Variants in RALYL observed in about 807,000 individuals in gnomAD.
RALYL encodes the protein RNA-binding Raly-like protein.
RALYL carries 29 observed loss-of-function variants against 35.1 expected under a neutral mutation model. The ratio of observed to expected loss-of-function variants is 0.83; its 90% CI spans 0.61 to 1.13. RALYL has a LOEUF of 1.13. Among genes scored for constraint, RALYL ranks in the 50% most tolerant of loss-of-function variants. RALYL has a pLI of 0.00. For synonymous variants in RALYL, 120 were observed against 127.6 expected (o/e 0.94, Z 0.40); for missense variants, 359 against 360.4 (o/e 1.00, Z 0.03).
In RALYL at chr8:84,349,864, G is replaced by A. The variant is rs1399817405; in HGVS notation, c.-24+165440G>A. Among the ~76,000 whole-genome samples the A allele has an allele frequency of 1.1e-4, 17 of 150,202 alleles. 1 individual carries two copies. ...ATCACCTTAATGAGGTTAGGCCTGA[G>A]CCAAGAACTTGACCTTGCATCATTT... On this transcript the variant is annotated intron_variant, in intron 1 of 8. Coordinates refer to ENST00000521268, the MANE Select transcript of RALYL (RefSeq NM_173848.7).
intron 2 of RALYL, among the ~76,000 whole-genome samples, chr8:84,725,907 G>A (rs1323048450): frequency 6.6e-6 from 1 of 151,506 alleles, no homozygotes; most frequent in Non-Finnish European, 1.5e-5. Context: ...AGCAATCTTA[G>A]TTTGAAATCA....
At position 84,912,149 on chromosome 8, in the gene RALYL, C is replaced by G. The variant is rs192344256; in HGVS notation, c.859-8745C>G. Among the ~76,000 whole-genome samples the G allele has an allele frequency of 2.9e-3, 448 of 152,144 alleles. 1 individual carries two copies. The highest frequency in any genetic ancestry group is 5.8e-3 in the Admixed American group (88 of 15,258). ...CTTGAGACTATCTAGGGGCCTTGCC[C>G]TAAGTCACCTCATCATCATAAACTC... On this transcript the variant is annotated intron_variant, in intron 8 of 8. Coordinates refer to ENST00000521268, the MANE Select transcript of RALYL (RefSeq NM_173848.7).
In RALYL at chr8:84,493,150, G is replaced by A. The variant is rs187980530; in HGVS notation, c.-23-36149G>A. ...TTCTCATTGTTTAACTCCCATTTAT[G>A]AGTGAGAAAATGTGGTGTTTGGTTT... On this transcript the variant is annotated intron_variant, in intron 1 of 8. Transcript: ENST00000521268. Among the ~76,000 whole-genome samples, 947 of 152,150 alleles carry A rather than the reference G, an allele frequency of 6.2e-3. 6 individuals are homozygous for A. Among genetic ancestry groups the A allele is most frequent in the Non-Finnish European group, 8.9e-3 (604 of 67,982 alleles).
intron 1 of RALYL, among the ~76,000 whole-genome samples, chr8:84,442,722 C>T (rs901456508): frequency 1.3e-5 from 2 of 152,014 alleles, no homozygotes; most frequent in African/African-American, 4.8e-5. Flanking sequence ...GGATACTCTG[C>T]GTATTGTTTT....
At chr8:84,878,935 C>T (rs564790235) in intron 7 of RALYL, among the ~76,000 whole-genome samples, 43 of 152,240 alleles carry the variant, frequency 2.8e-4, no homozygotes, top group Non-Finnish European at 4.7e-4. Context: ...ACCCAAGGCA[C>T]GGGAACCATC....
chr8:84,619,832 C>T (rs1403616527), intron 2 of RALYL, among the ~76,000 whole-genome samples: 51 of 151,002 alleles, frequency 3.4e-4, no homozygotes, highest in African/African-American at 1.1e-3. Context: ...GTAAAGTATT[C>T]TATTTCTCCT....
chr8:84,257,463 A>G (rs1171760295), intron 1 of RALYL, among the ~76,000 whole-genome samples: 2 of 152,158 alleles, frequency 1.3e-5, no homozygotes, highest in African/African-American at 4.8e-5. Context: ...CTTTGACAAA[A>G]TGAAGACCCA....
intron 2 of RALYL, among the ~76,000 whole-genome samples, chr8:84,736,931 C>A (rs907999056): frequency 6.6e-6 from 1 of 151,964 alleles, no homozygotes; most frequent in Non-Finnish European, 1.5e-5. Flanking sequence ...ATCCTACTTG[C>A]TATTCAACAC....
intron 2 of RALYL, among the ~76,000 whole-genome samples, chr8:84,752,277 A>G (rs1288670307): frequency 6.6e-6 from 1 of 152,192 alleles, no homozygotes; most frequent in East Asian, 1.9e-4. Context: ...CTGGCAGAAG[A>G]AAATTCTAAG....
intron 7 of RALYL, among the ~76,000 whole-genome samples, chr8:84,885,653 T>C (rs564870849): frequency 6.6e-6 from 1 of 152,294 alleles, no homozygotes; most frequent in South Asian, 2.1e-4. Flanking sequence ...GAAGTAAATG[T>C]CTTTCTCTTA....
chr8:84,577,758 C>T (rs1361781019), intron 2 of RALYL, among the ~76,000 whole-genome samples: 1 of 151,948 alleles, frequency 6.6e-6, no homozygotes. Context: ...AGAGTAAATA[C>T]ATTTAAAGAT....
intron 2 of RALYL, among the ~76,000 whole-genome samples, chr8:84,587,197 G>A (rs1329446269): frequency 6.6e-6 from 1 of 152,172 alleles, no homozygotes; most frequent in Non-Finnish European, 1.5e-5. Flanking sequence ...AAATGTTGCT[G>A]TAGTAGAGTT....
At chr8:84,510,238 A>T (rs965315472) in intron 1 of RALYL, among the ~76,000 whole-genome samples, 1 of 152,144 alleles carries the variant, frequency 6.6e-6, no homozygotes, top group African/African-American at 2.4e-5. Context: ...CCTATGGTAA[A>T]TTTACACTTG....
intron 6 of RALYL, among the ~76,000 whole-genome samples, chr8:84,871,266 T>C (rs1460280203): frequency 2.6e-5 from 4 of 152,174 alleles, no homozygotes; most frequent in Admixed American, 2.0e-4. Context: ...TGAGTCTATA[T>C]TGTTTTCTAA....
chr8:84,279,054 C>T (rs1835989568), intron 1 of RALYL, among the ~76,000 whole-genome samples: 1 of 152,146 alleles, frequency 6.6e-6, no homozygotes, highest in South Asian at 2.1e-4. Flanking sequence ...TTAATGGACT[C>T]ACAGTCCCAC....
In RALYL at chr8:84,766,509, C is replaced by T. The variant is rs193200231; in HGVS notation, c.257-8070C>T. Reference sequence around the variant, plus strand: ...GAGATCAAGACCATCCTGGCTAACACGGTGAAACCCCATCTCTACTAAAAT... The same window carrying T: ...GAGATCAAGACCATCCTGGCTAACATGGTGAAACCCCATCTCTACTAAAAT... On this transcript the variant is annotated intron_variant, in intron 2 of 8. Transcript: ENST00000521268. 2.8e-4 allele frequency among the ~76,000 whole-genome samples: 41 copies of T among 148,400 alleles called. No individual in the cohort carries two copies. The East Asian group carries it at 7.0e-3, about 25-fold the overall frequency.
At chr8:84,611,226 T>C (rs1253000374) in intron 2 of RALYL, among the ~76,000 whole-genome samples, 1 of 152,162 alleles carries the variant, frequency 6.6e-6, no homozygotes, top group African/African-American at 2.4e-5. Flanking sequence ...TCCAGTTTTT[T>C]GTGATTTGAT....
At chr8:84,887,937 C>T (rs1166748093) in intron 8 of RALYL, among the ~76,000 whole-genome samples, 161 bp downstream of exon 8, 1 of 152,168 alleles carries the variant, frequency 6.6e-6, no homozygotes, top group Non-Finnish European at 1.5e-5. Context: ...ATAATAAGTG[C>T]TCAATACTTT....
Position 84,470,111 on chromosome 8 carries a change from A to T in RALYL, c.-23-59188A>T, listed in dbSNP as rs186410418. Among the ~76,000 whole-genome samples the T allele has an allele frequency of 2.5e-3, 373 of 152,230 alleles. 1 individual carries two copies. The highest frequency in any genetic ancestry group is 4.2e-3 in the Non-Finnish European group (287 of 68,008). ...AAATCACCCATCTTCTGCGTCGCTC[A>T]CGCTGGGAGCTGTAGACAGGAGCTG... On this transcript the variant is annotated intron_variant, in intron 1 of 8. Transcript: ENST00000521268.
Sources: allele counts gnomAD v4.1 joint callset (sites outside exome capture counted in the v4.1 genomes callset), GRCh38; gene constraint gnomAD v4.1.1; transcripts MANE v1.5; gene names NCBI Gene and HGNC (gene_info 2026-07-23, HGNC 2026-07-21).